The following ENOX1 variants were observed in gnomAD, a reference collection of about 807,000 sequenced individuals.
ENOX1 encodes candidate growth-related and time keeping constitutive hydroquinone (NADH) oxidase.
Under a neutral mutation model 82.5 loss-of-function variants are expected in ENOX1, and 42 were observed. The ratio of observed to expected loss-of-function variants is 0.51; its 90% CI spans 0.40 to 0.66. The LOEUF (loss-of-function observed/expected upper bound fraction) is 0.66, where lower values mean the gene tolerates loss of function less well. Ranked by LOEUF, ENOX1 falls within the 30% of genes least tolerant of loss-of-function variation. The probability of loss-of-function intolerance (pLI) is 0.00; values close to 1 mark genes in which losing one functional copy is unlikely to be tolerated. For missense variants in ENOX1, 608 were observed against 811.6 expected, an observed-to-expected ratio of 0.75 and a Z score of 3.05; for synonymous variants, 271 against 282.2, an observed-to-expected ratio of 0.96 and a Z score of 0.40.
intron 2 of ENOX1, among the ~76,000 whole-genome samples, chr13:43,645,973 T>C (rs1424885318): frequency 2.0e-5 from 3 of 152,204 alleles, no homozygotes; most frequent in Non-Finnish European, 4.4e-5. Context: ...TTTTGTTTCC[T>C]GGCAAGAGTC....
intron 10 of ENOX1, 82 bp from the exon 11 acceptor site, chr13:43,322,583 A>G: frequency 9.2e-7 from 1 of 1,091,378 alleles, no homozygotes; most frequent in Non-Finnish European, 1.3e-6. Flanking sequence ...TATGACTGGC[A>G]TATTAACATT....
At chr13:43,325,760 T>C (rs2048076348) in intron 10 of ENOX1, among the ~76,000 whole-genome samples, 1 of 152,166 alleles carries the variant, frequency 6.6e-6, no homozygotes, top group Non-Finnish European at 1.5e-5. Context: ...TACACTACTC[T>C]GTGGAGTTAA....
chr13:43,435,974 G>A (rs989742733), intron 3 of ENOX1, among the ~76,000 whole-genome samples: 4 of 151,314 alleles, frequency 2.6e-5, no homozygotes, highest in Non-Finnish European at 4.4e-5. Context: ...GAGACAGAGA[G>A]AAAGTGCGCA....
intron 2 of ENOX1, among the ~76,000 whole-genome samples, chr13:43,520,739 C>A (rs527956470): frequency 6.6e-6 from 1 of 152,126 alleles, no homozygotes; most frequent in Non-Finnish European, 1.5e-5. Context: ...AATTTAAGCA[C>A]TTAAGGTCAG....
chr13:43,561,288 C>T (rs1295050223), intron 2 of ENOX1, among the ~76,000 whole-genome samples: 1 of 152,106 alleles, frequency 6.6e-6, no homozygotes, highest in Non-Finnish European at 1.5e-5. Context: ...AAAGCACAGC[C>T]GACAAAGCTC....
intron 8 of ENOX1, 104 bp from the exon 9 acceptor site, chr13:43,344,854 A>C: frequency 8.8e-7 from 1 of 1,135,240 alleles, no homozygotes; most frequent in South Asian, 1.5e-5. Flanking sequence ...TAGTGGATAT[A>C]TTTTCAGAAC....
intron 1 of ENOX1, among the ~76,000 whole-genome samples, chr13:43,769,195 G>C (rs954556921): frequency 2.0e-5 from 3 of 152,164 alleles, no homozygotes; most frequent in African/African-American, 7.2e-5. Flanking sequence ...ATATGCAACT[G>C]TGCCTGAAGA....
At chr13:43,554,304 A>T (rs1007286450) in intron 2 of ENOX1, among the ~76,000 whole-genome samples, 1 of 152,216 alleles carries the variant, frequency 6.6e-6, no homozygotes, top group Non-Finnish European at 1.5e-5. Flanking sequence ...TTAGGCACTT[A>T]ACAGCAGTCT....
chr13:43,747,518 T>C (rs1950088939), intron 1 of ENOX1, among the ~76,000 whole-genome samples: 1 of 152,228 alleles, frequency 6.6e-6, no homozygotes. Flanking sequence ...TTTAGAACTA[T>C]ACATTCTGCG....
chr13:43,333,040 G>T (rs2048497414), intron 9 of ENOX1, among the ~76,000 whole-genome samples: 1 of 152,078 alleles, frequency 6.6e-6, no homozygotes, highest in African/African-American at 2.4e-5. Context: ...TTACACAAAG[G>T]TGCTAATATT....
chr13:43,534,791 C>G (rs1163032299), intron 2 of ENOX1, among the ~76,000 whole-genome samples: 1 of 152,140 alleles, frequency 6.6e-6, no homozygotes, highest in African/African-American at 2.4e-5. Context: ...CCACTAGCAA[C>G]TAGTAAGCAG....
chr13:43,412,973 C>T lies in ENOX1; in HGVS notation c.-59G>A, dbSNP rs540146290. 19 of 1,595,938 alleles carry T rather than the reference C, an allele frequency of 1.2e-5. No individual in the cohort carries two copies. In the African/African-American group the frequency reaches 1.8e-4, roughly 15 times the overall value. ...TTGATGGCTGAGTGCAGGGTCCCCT[C>T]GGAGGTCATCAGATTCTGCAAAACG... On this transcript the variant is annotated 5_prime_UTR_variant, in exon 4 of 17. Coordinates refer to ENST00000690772, the MANE Select transcript of ENOX1 (RefSeq NM_001347969.2).
intron 3 of ENOX1, among the ~76,000 whole-genome samples, chr13:43,439,747 T>C (rs7994747): frequency 0.98 from 149,049 of 152,286 alleles, 73,027 homozygotes; most frequent in East Asian, 1. Flanking sequence ...ACTGATGTTC[T>C]ATGAAAGCAA....
chr13:43,220,384 A>G (rs750763259), intron 16 of ENOX1, among the ~76,000 whole-genome samples: 9 of 152,202 alleles, frequency 5.9e-5, no homozygotes, highest in Non-Finnish European at 1.3e-4. Context: ...ATCATGACTC[A>G]CAGATTTCAC....
chr13:43,689,160 T>G (rs1249958511), intron 1 of ENOX1, among the ~76,000 whole-genome samples: 1 of 152,190 alleles, frequency 6.6e-6, no homozygotes, highest in Non-Finnish European at 1.5e-5. Context: ...GCAGTCTAGC[T>G]GTGTTTGTTT....
chr13:43,491,665 G>A (rs760607081), intron 2 of ENOX1, among the ~76,000 whole-genome samples: 1 of 152,126 alleles, frequency 6.6e-6, no homozygotes, highest in Non-Finnish European at 1.5e-5. Flanking sequence ...TACTTGAGAG[G>A]CGGAGGCAGG....
chr13:43,685,742 A>G (rs992356004), intron 1 of ENOX1, among the ~76,000 whole-genome samples: 40 of 152,084 alleles, frequency 2.6e-4, no homozygotes, highest in African/African-American at 9.2e-4. Context: ...GAGCTCAGCT[A>G]GTATTTTCTC....
At chr13:43,534,699 T>C (rs2153690380) in intron 2 of ENOX1, among the ~76,000 whole-genome samples, 1 of 152,336 alleles carries the variant, frequency 6.6e-6, no homozygotes, top group South Asian at 2.1e-4. Context: ...ATTTGTCAAC[T>C]GGCAACAATT....
At chr13:43,250,249 G>A (rs572292054) in intron 14 of ENOX1, among the ~76,000 whole-genome samples, 22 of 152,148 alleles carry the variant, frequency 1.4e-4, no homozygotes, top group Non-Finnish European at 2.8e-4. Flanking sequence ...TGATCTCTCC[G>A]GAAACTATAG....
Sources: gnomAD v4.1 joint callset for allele counts (sites outside exome capture counted in the v4.1 genomes callset) on GRCh38, gnomAD v4.1.1 for gene constraint, MANE v1.5 for transcripts, NCBI Gene and HGNC (gene_info 2026-07-23, HGNC 2026-07-21) for gene names.